ZNF140: variants seen among roughly 807,000 people sequenced by gnomAD.
The protein encoded by ZNF140 is zinc finger protein 140.
In ZNF140, 13 loss-of-function variants were observed where a neutral mutation model predicts 12.9. The ratio of observed to expected loss-of-function variants is 1.01; its 90% CI spans 0.66 to 1.60. ZNF140 has a LOEUF of 1.60. Ranked by LOEUF, ZNF140 falls within the 40% of genes most tolerant of loss-of-function variation. The pLI, the probability that ZNF140 is intolerant of heterozygous loss-of-function variation, is 0.00. For missense variants in ZNF140, 531 were observed against 548.8 expected, an observed-to-expected ratio of 0.97 and a Z score of 0.32; for synonymous variants, 214 against 186.7, an observed-to-expected ratio of 1.15 and a Z score of -1.19.
rs1235025917 is a variant in ZNF140, at chr12:133,083,351, G to A, written c.137-115G>A. On this transcript the variant is annotated intron_variant, in intron 3 of 4. Transcript: ENST00000355557. ...TTCTTAAAATTAGTTTTAAGATGGG[G>A]ACGTAACTGCACCTTATTTTTAGAC... 3.3e-6 allele frequency: 5 copies of A among 1,493,238 alleles called. No individual in the cohort carries two copies. In the African/African-American group the frequency reaches 5.6e-5, roughly 17 times the overall value. The allele number at this position is 1,493,238 out of a possible 1,614,324, so 92.5% of individuals were successfully genotyped here.
intron 4 of ZNF140, among the ~76,000 whole-genome samples, chr12:133,103,106 C>T (rs1222015515): frequency 6.6e-6 from 1 of 152,072 alleles, no homozygotes; most frequent in African/African-American, 2.4e-5. Context: ...GTATAATGAT[C>T]ATATAAAATT....
At chr12:133,095,487 C>T (rs1321015992) in intron 4 of ZNF140, among the ~76,000 whole-genome samples, 2 of 151,002 alleles carry the variant, frequency 1.3e-5, no homozygotes, top group Non-Finnish European at 2.9e-5. Flanking sequence ...GGGTGGCCTG[C>T]CCCTCCACAC....
chr12:133,083,000 T>C, intron 2 of ZNF140, 103 bp from the exon 3 acceptor site: 3 of 1,566,694 alleles, frequency 1.9e-6, no homozygotes, highest in Non-Finnish European at 8.7e-7. Context: ...TGTTACTACT[T>C]AGACACATTG....
In ZNF140 at chr12:133,105,774, G is replaced by A. The variant is rs1362165929; in HGVS notation, c.497G>A (p.Cys166Tyr). The change falls in exon 5 of 5, where the codon TGT becomes TAT. Residue 166 changes from cysteine to tyrosine, a missense_variant. Coordinates refer to ENST00000355557, the MANE Select transcript of ZNF140 (RefSeq NM_003440.4). ...GAGAGGCCCTATGGATGCCATGAAT[G>A]TGGAAAAACTTTTGGTCGACGCTTT... is the stretch of plus-strand genomic sequence containing the variant. ...TVERPYGCHE[C>Y]GKTFGRRFSL... 2 of 1,614,070 alleles carry A rather than the reference G, an allele frequency of 1.2e-6. No individual in the cohort carries two copies. Among genetic ancestry groups the A allele is most frequent in the African/African-American group, 2.7e-5 (2 of 74,928 alleles).
At chr12:133,086,572 T>C (rs1274191738) in intron 4 of ZNF140, among the ~76,000 whole-genome samples, 1 of 152,240 alleles carries the variant, frequency 6.6e-6, no homozygotes, top group African/African-American at 2.4e-5. Flanking sequence ...TTGTATGTAC[T>C]TCAAAATCTT....
intron 4 of ZNF140, among the ~76,000 whole-genome samples, chr12:133,105,020 A>T (rs1483184021): frequency 3.3e-5 from 5 of 152,322 alleles, no homozygotes; most frequent in African/African-American, 9.6e-5. Context: ...CTAGTTCAGA[A>T]GGTAGAGTTG....
At position 133,106,440 on chromosome 12, in the gene ZNF140, C is replaced by A; in HGVS notation, c.1163C>A (p.Ala388Asp). The change falls in exon 5 of 5, where the codon GCT becomes GAT. Residue 388 changes from alanine to aspartate, a missense_variant. Physicochemically the swap from Ala to Asp is moderately radical, Grantham distance 126 (BLOSUM62 -2). Coordinates refer to ENST00000355557, the MANE Select transcript of ZNF140 (RefSeq NM_003440.4). The stretch of plus-strand genomic sequence containing the variant: ...ACTGGAGAGAAACCCTATGCGTGTG[C>A]TGAATGTGATAAAGCCTTCAGCCGG... ...SHTGEKPYAC[A>D]ECDKAFSRSF... 1 of 1,613,950 alleles carries A rather than the reference C, an allele frequency of 6.2e-7. No homozygotes were observed. Among genetic ancestry groups the A allele is most frequent in the South Asian group, 1.1e-5 (1 of 91,076 alleles).
At chr12:133,104,498 CAT>C (rs1462298216) in intron 4 of ZNF140, among the ~76,000 whole-genome samples, 133 of 152,068 alleles carry the variant, frequency 8.7e-4, no homozygotes, top group African/African-American at 3.1e-3. Context: ...ACTACAGGTG[CAT>C]GCCATCACGC....
intron 4 of ZNF140, among the ~76,000 whole-genome samples, chr12:133,089,782 T>C (rs1399047728): frequency 1.3e-5 from 2 of 152,172 alleles, no homozygotes; most frequent in African/African-American, 4.8e-5. Context: ...TAATTATCTT[T>C]TCAGAGAACT....
chr12:133,095,749 G>C (rs10870578), intron 4 of ZNF140, among the ~76,000 whole-genome samples: 1 of 147,888 alleles, frequency 6.8e-6, no homozygotes, highest in Non-Finnish European at 1.5e-5. Context: ...AAGAATCTAT[G>C]TCATAATTAG....
chr12:133,095,765 A>AG (rs1244868058), intron 4 of ZNF140, among the ~76,000 whole-genome samples: 2 of 151,220 alleles, frequency 1.3e-5, no homozygotes, highest in Non-Finnish European at 2.9e-5. Context: ...ATTAGGTTTA[A>AG]GGGAAGGTAC....
At position 133,091,062 on chromosome 12, in the gene ZNF140, A is replaced by C. The variant is rs1045805977; in HGVS notation, c.232+7501A>C. Among the ~76,000 whole-genome samples, 46 of 148,826 alleles carry C rather than the reference A, an allele frequency of 3.1e-4. 2 individuals are homozygous for C. The highest frequency in any genetic ancestry group is 1.0e-3 in the African/African-American group (40 of 40,086). ...GAGACAGTGGCCTTCCTCTATCTCA[A>C]CTGCAAGAGGCTTTCCTCTTTTACT... On this transcript the variant is annotated intron_variant, in intron 4 of 4. Transcript: ENST00000355557.
At chr12:133,091,033 A>C (rs770646) in intron 4 of ZNF140, among the ~76,000 whole-genome samples, 4 of 143,384 alleles carry the variant, frequency 2.8e-5, no homozygotes, top group South Asian at 2.3e-4. Flanking sequence ...CCAGGGGCAG[A>C]CAGGAGACAG....
chr12:133,090,269 G>T (rs996821696), intron 4 of ZNF140, among the ~76,000 whole-genome samples: 17 of 152,118 alleles, frequency 1.1e-4, no homozygotes, highest in Middle Eastern at 3.4e-3. Flanking sequence ...CTTCCAAGTA[G>T]CTATAAGTAC....
chr12:133,095,720 G>A (rs1052752091), intron 4 of ZNF140, among the ~76,000 whole-genome samples: 133 of 151,806 alleles, frequency 8.8e-4, no homozygotes, highest in Non-Finnish European at 1.1e-3. Context: ...GAGAAGGTCA[G>A]CAAAAAACAT....
At chr12:133,096,099 T>G (rs1350450902) in intron 4 of ZNF140, among the ~76,000 whole-genome samples, 3 of 151,762 alleles carry the variant, frequency 2.0e-5, no homozygotes, top group African/African-American at 7.2e-5. Flanking sequence ...CGAGGCCATA[T>G]TTCAGACTAT....
intron 4 of ZNF140, among the ~76,000 whole-genome samples, chr12:133,096,051 G>A (rs1324923380): frequency 2.0e-5 from 3 of 151,194 alleles, no homozygotes; most frequent in Admixed American, 2.0e-4. Flanking sequence ...CCCTTTATGG[G>A]TGTCGGGCTG....
intron 4 of ZNF140, among the ~76,000 whole-genome samples, chr12:133,099,579 T>C (rs1202172600): frequency 6.6e-6 from 1 of 152,148 alleles, no homozygotes; most frequent in Non-Finnish European, 1.5e-5. Context: ...TCTCAGTACT[T>C]TGGGAGGCTT....
At chr12:133,095,600 G>T (rs1219349167) in intron 4 of ZNF140, among the ~76,000 whole-genome samples, 2 of 151,668 alleles carry the variant, frequency 1.3e-5, no homozygotes, top group Non-Finnish European at 2.9e-5. Context: ...ACCGGCATCA[G>T]CATACCAAGG....
Sources: allele counts gnomAD v4.1 joint callset (sites outside exome capture counted in the v4.1 genomes callset), GRCh38; gene constraint gnomAD v4.1.1; transcripts MANE v1.5; gene names NCBI Gene and HGNC (gene_info 2026-07-23, HGNC 2026-07-21).